Variants in ITGB5 observed in about 807,000 individuals in gnomAD.
The protein encoded by ITGB5 is integrin subunit beta 5.
A neutral mutation model predicts 84.8 loss-of-function variants in ITGB5; 38 were observed. That is an observed-to-expected ratio of 0.45 (90% confidence interval 0.35 to 0.59). The LOEUF is 0.59. ITGB5 is among the 20% of genes least tolerant of loss of function. The probability of loss-of-function intolerance (pLI) is 0.01; values close to 1 mark genes in which losing one functional copy is unlikely to be tolerated. For synonymous variants in ITGB5, 393 were observed against 414.4 expected, an observed-to-expected ratio of 0.95 and a Z score of 0.63; for missense variants, 905 against 1,034.5, an observed-to-expected ratio of 0.87 and a Z score of 1.72.
rs2063737922 is a variant in ITGB5, at chr3:124,764,428, T to C, written c.2267A>G (p.Lys756Arg). 2 of 1,613,594 alleles carry C rather than the reference T, an allele frequency of 1.2e-6. No individual in the cohort carries two copies. Among genetic ancestry groups the C allele is most frequent in the African/African-American group, 2.7e-5 (2 of 74,998 alleles). ...GGCCCTGGATCGCTCGCTCTGAAAC[T>C]TTGCAAACTCCCTCCGGTCGTGGAT... ...VTIHDRREFA[K>R]FQSERSRARY... Residue 756 changes from lysine (K) to arginine (R), a missense_variant, in exon 14 of 15, where the codon AAG (lysine) becomes AGG (arginine). Physicochemically the swap from Lys to Arg is conservative, Grantham distance 26. Around this residue, in one of 3 missense-constraint regions of ITGB5, gnomAD observed 133 missense variants for 122.8 expected, o/e 1.08. Coordinates refer to ENST00000296181, the MANE Select transcript of ITGB5 (RefSeq NM_002213.5).
chr3:124,774,082 G>A (rs2063888582), intron 10 of ITGB5, among the ~76,000 whole-genome samples, 170 bp from the exon 11 acceptor site: 1 of 152,234 alleles, frequency 6.6e-6, no homozygotes, highest in Admixed American at 6.5e-5. Flanking sequence ...AGCATGAAGG[G>A]ACAGCAGGGG....
At chr3:124,863,303 G>A (rs1176409077) in intron 2 of ITGB5, 2 of 152,226 alleles carry the variant, frequency 1.3e-5, no homozygotes, top group Non-Finnish European at 2.9e-5. Context: ...CCCCTAAGAG[G>A]TAAAGATCTC....
At chr3:124,764,331 G>T in intron 14 of ITGB5, 60 bp downstream of exon 14, 1 of 1,545,424 alleles carries the variant, frequency 6.5e-7, no homozygotes, top group Non-Finnish European at 8.8e-7. Flanking sequence ...ACATACCGCT[G>T]AACTCAACCA....
chr3:124,767,859 C>T (rs1453601619), intron 12 of ITGB5, among the ~76,000 whole-genome samples: 1 of 152,132 alleles, frequency 6.6e-6, no homozygotes, highest in African/African-American at 2.4e-5. Context: ...ACTGCTTGAC[C>T]CCAGGAGTTT....
At chr3:124,807,354 T>G (rs2064421470) in intron 9 of ITGB5, among the ~76,000 whole-genome samples, 1 of 152,194 alleles carries the variant, frequency 6.6e-6, no homozygotes, top group African/African-American at 2.4e-5. Context: ...AAGCGGAGGT[T>G]GCAGTGAGCC....
chr3:124,770,784 G>GTAAC (rs1171884226), intron 11 of ITGB5, among the ~76,000 whole-genome samples: 9 of 152,302 alleles, frequency 5.9e-5, no homozygotes, highest in South Asian at 2.1e-4. Context: ...AAACAAGATG[G>GTAAC]TAACTCTCCC....
intron 2 of ITGB5, among the ~76,000 whole-genome samples, chr3:124,867,667 GT>G (rs2065412818): frequency 2.0e-5 from 3 of 152,214 alleles, no homozygotes; most frequent in Admixed American, 2.0e-4. Flanking sequence ...ATGTGGCTGG[GT>G]TTTAGGCAAC....
intron 2 of ITGB5, among the ~76,000 whole-genome samples, chr3:124,869,302 G>A (rs1365487214): frequency 2.0e-5 from 3 of 152,170 alleles, no homozygotes; most frequent in African/African-American, 4.8e-5. Flanking sequence ...GTGGCCAGGC[G>A]TGTTGGCTCA....
intron 5 of ITGB5, among the ~76,000 whole-genome samples, chr3:124,834,965 A>T (rs2064912591): frequency 6.6e-6 from 1 of 152,154 alleles, no homozygotes; most frequent in South Asian, 2.1e-4. Context: ...GACTTAAAAT[A>T]AAAAATTGAC....
At chr3:124,893,407 CAAAAT>C (rs1173761940) in intron 1 of ITGB5, among the ~76,000 whole-genome samples, 8 of 151,950 alleles carry the variant, frequency 5.3e-5, no homozygotes, top group Admixed American at 1.3e-4. Context: ...CACTTTGTCT[CAAAAT>C]AAAATAAAAT....
chr3:124,876,846 G>T (rs956718070), intron 1 of ITGB5, among the ~76,000 whole-genome samples: 3 of 152,208 alleles, frequency 2.0e-5, no homozygotes, highest in Non-Finnish European at 2.9e-5. Flanking sequence ...GACGAAGAAG[G>T]TCTGAGAACA....
chr3:124,861,481 C>CATATATATATATAT (rs771303161), intron 2 of ITGB5, among the ~76,000 whole-genome samples: 83 of 117,780 alleles, frequency 7.0e-4, no homozygotes, highest in Admixed American at 1.9e-3. Flanking sequence ...CAAAACAAAA[C>CATATATATATATAT]ATATATATAT....
intron 11 of ITGB5, among the ~76,000 whole-genome samples, chr3:124,770,738 C>A (rs2063830358): frequency 1.3e-5 from 2 of 152,090 alleles, no homozygotes; most frequent in African/African-American, 4.8e-5. Flanking sequence ...ATCCCACTCT[C>A]CTGGGACTGA....
At chr3:124,815,961 A>G (rs921219558) in intron 8 of ITGB5, among the ~76,000 whole-genome samples, 1 of 152,192 alleles carries the variant, frequency 6.6e-6, no homozygotes, top group Admixed American at 6.5e-5. Flanking sequence ...GTGAGGCTCT[A>G]AGGGCCAGAG....
At chr3:124,832,481 C>T (rs533427008) in intron 5 of ITGB5, among the ~76,000 whole-genome samples, 1 of 152,300 alleles carries the variant, frequency 6.6e-6, no homozygotes, top group East Asian at 1.9e-4. Flanking sequence ...GAGCCTGGCT[C>T]TCAAAAGCAC....
At chr3:124,787,286 A>G (rs1041063949) in intron 10 of ITGB5, among the ~76,000 whole-genome samples, 6 of 152,216 alleles carry the variant, frequency 3.9e-5, no homozygotes, top group African/African-American at 1.2e-4. Flanking sequence ...TTCTGGACAC[A>G]GGATCTGAGC....
intron 10 of ITGB5, chr3:124,787,899 A>T (rs2064103739): frequency 6.7e-6 from 1 of 148,856 alleles, no homozygotes. Context: ...GTGGCTAGAA[A>T]CAGATAGCTC....
Position 124,763,487 on chromosome 3 carries a change from C to T in ITGB5, c.*136G>A. 2 of 590,774 alleles carry T rather than the reference C, an allele frequency of 3.4e-6. No homozygotes were observed. Among genetic ancestry groups the T allele is most frequent in the Non-Finnish European group, 6.1e-6 (2 of 326,972 alleles). 36.6% of individuals were successfully genotyped at this position (590,774 alleles called of 1,614,324 possible). ...CCTTCCTGTACAGGCACTGTGGGCT[C>T]CTGGCCCAGGCTCACTAGAAGGTCT... On this transcript the variant is annotated 3_prime_UTR_variant, in exon 15 of 15. Coordinates refer to ENST00000296181, the MANE Select transcript of ITGB5 (RefSeq NM_002213.5).
intron 9 of ITGB5, 74 bp from the exon 10 acceptor site, chr3:124,796,891 C>G: frequency 6.9e-7 from 1 of 1,445,820 alleles, no homozygotes; most frequent in South Asian, 1.4e-5. Flanking sequence ...GGGCAGGGCC[C>G]TTGATGAAGA....
Sources: gnomAD v4.1 joint callset for allele counts (sites outside exome capture counted in the v4.1 genomes callset) on GRCh38, gnomAD v4.1.1 for gene constraint, gnomAD v4.1.1 regional missense constraint, MANE v1.5 for transcripts, NCBI Gene and HGNC (gene_info 2026-07-23, HGNC 2026-07-21) for gene names.